The following MGAT4C variants were observed in gnomAD, a reference collection of about 807,000 sequenced individuals.
MGAT4C encodes MGAT4 family member C.
A neutral mutation model predicts 40.1 loss-of-function variants in MGAT4C; 19 were observed. The ratio of observed to expected loss-of-function variants is 0.47; its 90% CI spans 0.33 to 0.70. The LOEUF is 0.70. Ranked by LOEUF, MGAT4C falls within the 30% of genes least tolerant of loss-of-function variation. MGAT4C has a pLI of 0.02. For synonymous variants in MGAT4C, 181 were observed against 187.1 expected, an observed-to-expected ratio of 0.97 and a Z score of 0.27; for missense variants, 491 against 563.2, an observed-to-expected ratio of 0.87 and a Z score of 1.30.
At chr12:86,644,564 T>C (rs993764062) in intron 2 of MGAT4C, among the ~76,000 whole-genome samples, 3 of 151,718 alleles carry the variant, frequency 2.0e-5, no homozygotes, top group African/African-American at 7.2e-5. Flanking sequence ...ATACATACCC[T>C]GTAACCTAGC....
At chr12:86,447,327 G>A (rs1284306416) in intron 2 of MGAT4C, among the ~76,000 whole-genome samples, 1 of 152,098 alleles carries the variant, frequency 6.6e-6, no homozygotes, top group Non-Finnish European at 1.5e-5. Context: ...GTTTCTCCAT[G>A]CTGGTTAGGC....
chr12:86,477,090 A>G (rs899978437), intron 2 of MGAT4C, among the ~76,000 whole-genome samples: 1 of 150,884 alleles, frequency 6.6e-6, no homozygotes, highest in African/African-American at 2.5e-5. Flanking sequence ...TGAAAAATAA[A>G]TATATATATA....
At chr12:86,064,365 G>A (rs1015860681) in intron 1 of MGAT4C, among the ~76,000 whole-genome samples, 16 of 152,154 alleles carry the variant, frequency 1.1e-4, no homozygotes, top group African/African-American at 3.9e-4. Context: ...GGGCAACAGA[G>A]CGAGACTACG....
intron 1 of MGAT4C, among the ~76,000 whole-genome samples, chr12:86,243,586 A>C (rs1337545502): frequency 1.3e-5 from 2 of 152,208 alleles, no homozygotes; most frequent in African/African-American, 4.8e-5. Flanking sequence ...ACTTTTATGA[A>C]AAGCCCATGA....
intron 2 of MGAT4C, among the ~76,000 whole-genome samples, chr12:86,642,906 C>T (rs193239445): frequency 2.0e-5 from 3 of 151,604 alleles, no homozygotes; most frequent in Admixed American, 6.6e-5. Flanking sequence ...ATGAAACCTT[C>T]GTACATGATT....
intron 1 of MGAT4C, among the ~76,000 whole-genome samples, chr12:86,175,049 T>C (rs749051221): frequency 1.3e-5 from 2 of 152,172 alleles, no homozygotes; most frequent in Non-Finnish European, 2.9e-5. Flanking sequence ...ATGATTTCAA[T>C]ATATCTGCTG....
chr12:86,720,799 A>T (rs942985628), intron 2 of MGAT4C, among the ~76,000 whole-genome samples: 1 of 152,220 alleles, frequency 6.6e-6, no homozygotes, highest in Non-Finnish European at 1.5e-5. Flanking sequence ...TTTAGTCATT[A>T]TAAAGTAGAG....
intron 1 of MGAT4C, among the ~76,000 whole-genome samples, chr12:86,197,627 A>T (rs929911113): frequency 1.3e-5 from 2 of 152,190 alleles, no homozygotes; most frequent in African/African-American, 4.8e-5. Context: ...GTGAGAAAAT[A>T]AATTTCTGTT....
chr12:86,663,628 T>C (rs537785790), intron 2 of MGAT4C, among the ~76,000 whole-genome samples: 1 of 152,254 alleles, frequency 6.6e-6, no homozygotes, highest in African/African-American at 2.4e-5. Context: ...TTCTTGTCTA[T>C]ATTGACAACC....
intron 1 of MGAT4C, among the ~76,000 whole-genome samples, chr12:86,197,295 ATCT>A (rs1446005894): frequency 2.0e-5 from 3 of 152,204 alleles, no homozygotes; most frequent in Non-Finnish European, 2.9e-5. Context: ...TTCTCTAAAG[ATCT>A]TCTTATTTAT....
intron 1 of MGAT4C, among the ~76,000 whole-genome samples, chr12:86,167,253 T>C (rs936007650): frequency 1.3e-5 from 2 of 152,190 alleles, no homozygotes; most frequent in Non-Finnish European, 2.9e-5. Context: ...TCAATAATCA[T>C]GATAGTTATA....
At chr12:86,701,229 T>A (rs1351157589) in intron 2 of MGAT4C, among the ~76,000 whole-genome samples, 1 of 152,114 alleles carries the variant, frequency 6.6e-6, no homozygotes, top group Non-Finnish European at 1.5e-5. Context: ...CACTTGTAGA[T>A]GTTACTTTTT....
intron 1 of MGAT4C, among the ~76,000 whole-genome samples, chr12:86,135,045 C>T (rs1464619585): frequency 2.0e-5 from 3 of 152,034 alleles, no homozygotes; most frequent in Admixed American, 6.6e-5. Context: ...AGAAAGTAAG[C>T]GTCTTATGAA....
chr12:86,764,358 G>T lies in MGAT4C; in HGVS notation c.-261-37117C>A, dbSNP rs547638556. ...GCTTGATTAGGTAAACAAAGCAGCT[G>T]GGAAGCTCGAACTGGGTGGAGCCCA... is the stretch of plus-strand genomic sequence containing the variant. On this transcript the variant is annotated intron_variant, in intron 1 of 7. Coordinates refer to the MGAT4C transcript ENST00000548651. Among the ~76,000 whole-genome samples the T allele has an allele frequency of 9.4e-3, 1,435 of 152,250 alleles. 16 individuals are homozygous for T. The highest frequency in any genetic ancestry group is 0.033 in the African/African-American group (1,370 of 41,558).
At chr12:86,834,970 C>A (rs950796437) in intron 1 of MGAT4C, among the ~76,000 whole-genome samples, 1 of 151,836 alleles carries the variant, frequency 6.6e-6, no homozygotes, top group African/African-American at 2.4e-5. Context: ...TTGGTGGCTC[C>A]CTTTTGTACA....
chr12:86,057,430 C>T (rs771935554), intron 1 of MGAT4C, among the ~76,000 whole-genome samples: 1 of 152,154 alleles, frequency 6.6e-6, no homozygotes, highest in Non-Finnish European at 1.5e-5. Context: ...CATTTCTTAG[C>T]CATATATTTT....
At chr12:86,032,576 CTGTT>C (rs1028095159) in intron 2 of MGAT4C, among the ~76,000 whole-genome samples, 1 of 149,706 alleles carries the variant, frequency 6.7e-6, no homozygotes, top group African/African-American at 2.4e-5. Flanking sequence ...TGAAAAGTGT[CTGTT>C]TGTGTCCTTT....
At chr12:86,652,226 A>G (rs898303747) in intron 2 of MGAT4C, among the ~76,000 whole-genome samples, 2 of 151,876 alleles carry the variant, frequency 1.3e-5, no homozygotes, top group African/African-American at 4.8e-5. Context: ...TTTATTCTCA[A>G]TGATGATTAT....
intron 2 of MGAT4C, among the ~76,000 whole-genome samples, chr12:86,467,959 C>T (rs1223716211): frequency 6.6e-6 from 1 of 151,988 alleles, no homozygotes; most frequent in Non-Finnish European, 1.5e-5. Context: ...CTATCTTTTT[C>T]CACATCATTA....
Sources: gnomAD v4.1 joint callset for allele counts (sites outside exome capture counted in the v4.1 genomes callset) on GRCh38, gnomAD v4.1.1 for gene constraint, MANE v1.5 for transcripts, NCBI Gene and HGNC (gene_info 2026-07-23, HGNC 2026-07-21) for gene names.